EEFSEC: variants seen among roughly 807,000 people sequenced by gnomAD.
The protein encoded by EEFSEC is eukaryotic elongation factor, selenocysteine-tRNA specific.
Under a neutral mutation model 42.1 loss-of-function variants are expected in EEFSEC, and 43 were observed. That is an observed-to-expected ratio of 1.02 (90% CI 0.80 to 1.32). The LOEUF is 1.32. EEFSEC is among the 40% of genes most tolerant of loss of function. The pLI, the probability that EEFSEC is intolerant of heterozygous loss-of-function variation, is 0.00. For missense variants in EEFSEC, 745 were observed against 803.6 expected (o/e 0.93, Z 0.88); for synonymous variants, 354 against 339.1 (o/e 1.04, Z -0.48).
chr3:128,370,861 T>A (rs902711371), intron 6 of EEFSEC, among the ~76,000 whole-genome samples: 1 of 152,152 alleles, frequency 6.6e-6, no homozygotes, highest in Non-Finnish European at 1.5e-5. Context: ...GTGGGAAGTT[T>A]TACCGATGCA....
chr3:128,255,132 G>T (rs1204135904), intron 2 of EEFSEC, among the ~76,000 whole-genome samples: 1 of 152,188 alleles, frequency 6.6e-6, no homozygotes, highest in Non-Finnish European at 1.5e-5. Context: ...CTTGGCTGGG[G>T]ATGCGGTTTG....
At chr3:128,396,572 C>T (rs924573264) in intron 6 of EEFSEC, among the ~76,000 whole-genome samples, 2 of 152,216 alleles carry the variant, frequency 1.3e-5, no homozygotes, top group Admixed American at 6.5e-5. Flanking sequence ...GGACACACAG[C>T]TGCTGAGAGC....
At chr3:128,417,599 G>C in the EEFSEC span, among the ~76,000 whole-genome samples, 1 of 152,200 alleles carries the variant, frequency 6.6e-6, no homozygotes, top group Non-Finnish European at 1.5e-5. This position sits in a 1 kb window ranked among gnomAD's most constrained non-coding sequence, Gnocchi z 4.3. Flanking sequence ...TCTAGGGACA[G>C]GGGTTTCTGT....
chr3:128,262,093 T>G (rs1467185098), intron 2 of EEFSEC, 35 bp from the exon 3 acceptor site: 27 of 1,603,918 alleles, frequency 1.7e-5, no homozygotes, highest in Non-Finnish European at 2.1e-5. Flanking sequence ...GTTGCTGATC[T>G]CTGTAACTGT....
chr3:128,301,930 C>CA (rs2066773787), intron 4 of EEFSEC, among the ~76,000 whole-genome samples: 1 of 152,066 alleles, frequency 6.6e-6, no homozygotes, highest in Non-Finnish European at 1.5e-5. Flanking sequence ...TCAGGCCATG[C>CA]AGAAGGGACC....
chr3:128,311,600 G>C (rs527519914), intron 4 of EEFSEC, among the ~76,000 whole-genome samples: 1 of 152,320 alleles, frequency 6.6e-6, no homozygotes, highest in Non-Finnish European at 1.5e-5. Context: ...GAGCTAGTTT[G>C]GTTCCCTGTC....
intron 1 of EEFSEC, among the ~76,000 whole-genome samples, chr3:128,217,967 AG>A (rs1295874153): frequency 1.3e-5 from 2 of 152,204 alleles, no homozygotes; most frequent in Non-Finnish European, 2.9e-5. Context: ...AAACAGGCTC[AG>A]GGGGTTAAGG....
At position 128,358,310 on chromosome 3, in the gene EEFSEC, G is replaced by T; in HGVS notation, c.1537G>T (p.Gly513Trp). The T allele has an allele frequency of 1.2e-6, 2 of 1,614,240 alleles. No homozygotes were observed. Among genetic ancestry groups the T allele is most frequent in the South Asian group, 1.1e-5 (1 of 91,086 alleles). ...FVGLKVHLST[G>W]ELGIIDSAFG... ...GGGGCTCAAGGTGCACTTGTCCACT[G>T]GGGAACTGGGCATCATCGACAGTGC... Residue 513 changes from glycine (G) to tryptophan (W), a missense_variant, in exon 6 of 7, where the codon GGG (glycine) becomes TGG (tryptophan). Transcript: ENST00000254730.
intron 1 of EEFSEC, among the ~76,000 whole-genome samples, chr3:128,155,423 A>ATT (rs1944361895): frequency 6.6e-6 from 1 of 152,180 alleles, no homozygotes; most frequent in Admixed American, 6.5e-5. Context: ...AAAGACCATT[A>ATT]TTATACCTTT....
intron 1 of EEFSEC, among the ~76,000 whole-genome samples, chr3:128,201,376 G>A (rs2065642022): frequency 6.6e-6 from 1 of 151,176 alleles, no homozygotes; most frequent in Non-Finnish European, 1.5e-5. Context: ...AGTTCTGGGT[G>A]TGCTTAAGAA....
At chr3:128,208,364 G>A (rs1177656278) in intron 1 of EEFSEC, among the ~76,000 whole-genome samples, 1 of 152,204 alleles carries the variant, frequency 6.6e-6, no homozygotes, top group Non-Finnish European at 1.5e-5. Context: ...GATATTGGAT[G>A]ATGACTGTAA....
intron 6 of EEFSEC, 37 bp downstream of exon 6, chr3:128,358,410 G>A (rs201694841): frequency 5.0e-5 from 81 of 1,610,442 alleles, no homozygotes; most frequent in African/African-American, 1.3e-4. Flanking sequence ...TAGGGACACC[G>A]TGCAGGGCAC....
At chr3:128,226,848 G>A (rs1212036768) in intron 1 of EEFSEC, among the ~76,000 whole-genome samples, 1 of 152,200 alleles carries the variant, frequency 6.6e-6, no homozygotes, top group African/African-American at 2.4e-5. Context: ...GTGCACAGAG[G>A]GTTGTGTGGT....
intron 4 of EEFSEC, among the ~76,000 whole-genome samples, chr3:128,313,140 C>T (rs1354008160): frequency 6.6e-6 from 1 of 152,150 alleles, no homozygotes; most frequent in Non-Finnish European, 1.5e-5. Flanking sequence ...CTGGTTTTTC[C>T]TATTCCTGCC....
chr3:128,313,828 G>C (rs1394954820), intron 4 of EEFSEC, among the ~76,000 whole-genome samples: 1 of 152,206 alleles, frequency 6.6e-6, no homozygotes, highest in African/African-American at 2.4e-5. Context: ...AAGATGCCAA[G>C]GTTATGCAGT....
intron 6 of EEFSEC, among the ~76,000 whole-genome samples, chr3:128,366,871 G>T (rs2067596187): frequency 6.6e-6 from 1 of 152,192 alleles, no homozygotes; most frequent in South Asian, 2.1e-4. Context: ...GGGCTGTTGG[G>T]TTGGTGTACT....
At chr3:128,305,362 C>G (rs2066815456) in intron 4 of EEFSEC, among the ~76,000 whole-genome samples, 1 of 152,080 alleles carries the variant, frequency 6.6e-6, no homozygotes. Context: ...CATGTCAAGT[C>G]TTGGTATTAG....
chr3:128,415,231 G>A, the EEFSEC span, among the ~76,000 whole-genome samples: 3 of 152,214 alleles, frequency 2.0e-5, no homozygotes, highest in African/African-American at 4.8e-5. Flanking sequence ...AGGCCATGGG[G>A]AGGGATAGAG....
intron 4 of EEFSEC, among the ~76,000 whole-genome samples, chr3:128,272,105 GAACTGGCTCTGCCCT>G (rs1367946179): frequency 5.3e-5 from 8 of 152,312 alleles, no homozygotes; most frequent in Middle Eastern, 3.4e-3. Flanking sequence ...GCTGGCTCCA[GAACTGGCTCTGCCCT>G]GTCGTGTGTG....
Sources: gnomAD v4.1 joint callset for allele counts (sites outside exome capture counted in the v4.1 genomes callset) on GRCh38, gnomAD v4.1.1 for gene constraint, Gnocchi (gnomAD v3.1) non-coding constraint, MANE v1.5 for transcripts, NCBI Gene and HGNC (gene_info 2026-07-23, HGNC 2026-07-21) for gene names.